Variants in PTH1R observed in about 807,000 individuals in gnomAD.
The protein encoded by PTH1R is parathyroid hormone/parathyroid hormone-related peptide receptor.
A neutral mutation model predicts 70.7 loss-of-function variants in PTH1R; 32 were observed. The ratio of observed to expected loss-of-function variants is 0.45; its 90% CI spans 0.34 to 0.61. The LOEUF (loss-of-function observed/expected upper bound fraction) is 0.61. Among genes scored for constraint, PTH1R ranks in the 20% least tolerant of loss-of-function variants. The probability of loss-of-function intolerance (pLI) is 0.01; values close to 1 mark genes in which losing one functional copy is unlikely to be tolerated. For synonymous variants in PTH1R, 329 were observed against 324.8 expected (o/e 1.01, Z -0.14); for missense variants, 626 against 792.5 (o/e 0.79, Z 2.52).
At chr3:46,888,023 C>A (rs776277028) in intron 3 of PTH1R, among the ~76,000 whole-genome samples, 1 of 152,152 alleles carries the variant, frequency 6.6e-6, no homozygotes, top group South Asian at 2.1e-4. Flanking sequence ...AATAGCATGG[C>A]CAAATTGCCC....
At position 46,892,878 on chromosome 3, in the gene PTH1R, C is replaced by A; in HGVS notation, c.76-1029C>A. On this transcript the variant is annotated intron_variant, in intron 3 of 15. Coordinates refer to ENST00000449590, the MANE Select transcript of PTH1R (RefSeq NM_000316.3). This position sits in a 1 kb window ranked among gnomAD's most constrained non-coding sequence, Gnocchi z 5.2. Reference sequence around the variant, plus strand: ...TGCCCAGGGGTCTGAGGAAACACGACCCTGAATTAAGAGGGATGGGGCTGA... The same window carrying A: ...TGCCCAGGGGTCTGAGGAAACACGAACCTGAATTAAGAGGGATGGGGCTGA... The A allele has an allele frequency of 1.1e-6, 1 of 899,380 alleles. No homozygotes were observed. Among genetic ancestry groups the A allele is most frequent in the Non-Finnish European group, 1.3e-6 (1 of 750,986 alleles). 55.7% of individuals were successfully genotyped at this position (899,380 alleles called of 1,614,324 possible).
intron 4 of PTH1R, among the ~76,000 whole-genome samples, chr3:46,895,365 G>A (rs974206593): frequency 3.9e-5 from 6 of 152,126 alleles, no homozygotes; most frequent in Non-Finnish European, 8.8e-5. Context: ...TGCTTTCACC[G>A]TGCGCCCCCT....
chr3:46,881,186 C>T (rs956663722), intron 2 of PTH1R, 68 bp downstream of exon 2: 2 of 152,350 alleles, frequency 1.3e-5, no homozygotes, highest in African/African-American at 4.8e-5. Context: ...CATTCGCTTC[C>T]TCCGCGATCC....
At position 46,897,938 on chromosome 3, in the gene PTH1R, G is replaced by A. The variant is rs200726217; in HGVS notation, c.397G>A (p.Asp133Asn). 7 of 1,614,106 alleles carry A rather than the reference G, an allele frequency of 4.3e-6. No homozygotes were observed. Among genetic ancestry groups the A allele is most frequent in the Non-Finnish European group, 5.1e-6 (6 of 1,180,024 alleles). The stretch of plus-strand genomic sequence containing the variant: ...TGAGGTGGTGGCTGTGCCCTGTCCG[G>A]ACTACATTTATGACTTCAATCACAA... ...PGEVVAVPCP[D>N]YIYDFNHKGH... The change falls in exon 6 of 16, where the codon GAC (aspartate) becomes AAC (asparagine). Residue 133 changes from aspartate (D) to asparagine (N), a missense_variant. By Grantham distance (23) the Asp-to-Asn change is conservative (BLOSUM62 1). Around this residue, in one of 3 missense-constraint regions of PTH1R, gnomAD observed 495 missense variants for 638.7 expected, o/e 0.77. Transcript: ENST00000449590.
At chr3:46,900,911 T>C in intron 10 of PTH1R, 114 bp from the exon 11 acceptor site, 2 of 1,145,630 alleles carry the variant, frequency 1.7e-6, no homozygotes, top group Non-Finnish European at 1.3e-6. Context: ...AAGTGCCCAG[T>C]GTCAGGGGTT....
rs768173859 is a variant in PTH1R at position 46,898,143 on chromosome 3, C to T, written c.494C>T (p.Ala165Val). 1 of 1,614,156 alleles carries T rather than the reference C, an allele frequency of 6.2e-7. No individual in the cohort carries two copies. The highest frequency in any genetic ancestry group is 1.1e-5 in the South Asian group (1 of 91,088). ...ELVPGHNRTWANYSECVKFLT... is the reference protein window; with the variant it reads ...ELVPGHNRTWVNYSECVKFLT... ...GTGCCTGGGCACAACAGGACGTGGG[C>T]CAACTACAGCGAGTGTGTCAAATTT... The change falls in exon 7 of 16, where the codon GCC (alanine) becomes GTC (valine). Residue 165 changes from alanine (A) to valine (V), a missense_variant. By Grantham distance (64) the Ala-to-Val change is moderately conservative (BLOSUM62 0). Coordinates refer to ENST00000449590, the MANE Select transcript of PTH1R (RefSeq NM_000316.3).
Position 46,898,394 on chromosome 3 carries a change from T to C in PTH1R, c.560T>C (p.Leu187Pro). Residue 187 changes from leucine to proline, a missense_variant, in exon 8 of 16, where the codon CTG becomes CCG. Physicochemically the swap from Leu to Pro is moderately conservative, Grantham distance 98. This residue lies in a region of PTH1R where 495 missense variants were observed against 638.7 expected (regional missense o/e 0.77). Transcript: ENST00000449590. Reference sequence around the variant, plus strand: ...CCCGCACAGGAGGTGTTTGACCGCCTGGGCATGATTTACACCGTGGGCTAC... The same window carrying C: ...CCCGCACAGGAGGTGTTTGACCGCCCGGGCATGATTTACACCGTGGGCTAC... ...ETREREVFDR[L>P]GMIYTVGYSV... The C allele has an allele frequency of 1.2e-6, 2 of 1,613,740 alleles. No individual in the cohort carries two copies. Among genetic ancestry groups the C allele is most frequent in the Non-Finnish European group, 1.7e-6 (2 of 1,179,942 alleles).
chr3:46,887,009 C>T (rs570006374), intron 3 of PTH1R, among the ~76,000 whole-genome samples: 2 of 152,070 alleles, frequency 1.3e-5, no homozygotes, highest in African/African-American at 2.4e-5. Flanking sequence ...TTTGGGAGGC[C>T]GGGCAGATCA....
rs753135065 is a variant in PTH1R, at chr3:46,898,086, G to A, written c.437G>A (p.Arg146Gln). 1.2e-6 allele frequency: 2 copies of A among 1,614,070 alleles called. No individual in the cohort carries two copies. The highest frequency in any genetic ancestry group is 1.1e-5 in the South Asian group (1 of 91,086). The change falls in exon 7 of 16, where the codon CGA becomes CAA. Residue 146 changes from arginine (R) to glutamine (Q), a missense_variant. By Grantham distance (43) the Arg-to-Gln change is conservative (BLOSUM62 1). Around this residue, in one of 3 missense-constraint regions of PTH1R, gnomAD observed 495 missense variants for 638.7 expected, o/e 0.77. Transcript: ENST00000449590. ...YDFNHKGHAYRRCDRNGSWEL... is the reference protein window; with the variant it reads ...YDFNHKGHAYQRCDRNGSWEL... ...CATGGACCTGCAGGCCATGCCTACC[G>A]ACGCTGTGACCGCAATGGCAGCTGG...
Position 46,903,127 on chromosome 3 carries a change from G to A in PTH1R, c.1396-143G>A. ...TGCCTGTAGCCAAACACCCTGTTGT[G>A]AGGATGGGATTTCACTTGGCCTTGG... On this transcript the variant is annotated intron_variant, in intron 15 of 15. Transcript: ENST00000449590. This position sits in a 1 kb window ranked among gnomAD's most constrained non-coding sequence, Gnocchi z 4.4. The A allele has an allele frequency of 2.1e-6, 3 of 1,460,116 alleles. No individual in the cohort carries two copies. Among genetic ancestry groups the A allele is most frequent in the Non-Finnish European group, 1.9e-6 (2 of 1,073,074 alleles). The allele number at this position is 1,460,116 out of a possible 1,614,324, so 90.4% of individuals were successfully genotyped here. A position where few individuals can be genotyped will look rare whatever the true frequency, so the allele number is the denominator to read the frequency against.
In PTH1R at chr3:46,891,573, G is replaced by A. The variant is rs2031416442; in HGVS notation, c.76-2334G>A. On this transcript the variant is annotated intron_variant, in intron 3 of 15. Transcript: ENST00000449590. The surrounding 1 kb of genome is among the most constrained non-coding windows in gnomAD (Gnocchi z 4.3). ...ACAATGGGTTTGTCTTGAGAGGGGTGGAGGTGGCAGAAGAAGAAGGATAGT... is the reference window on the plus strand; with the variant it reads ...ACAATGGGTTTGTCTTGAGAGGGGTAGAGGTGGCAGAAGAAGAAGGATAGT... Among the ~76,000 whole-genome samples the A allele has an allele frequency of 6.6e-6, 1 of 152,250 alleles. No individual in the cohort carries two copies. The highest frequency in any genetic ancestry group is 2.4e-5 in the African/African-American group (1 of 41,460).
Position 46,896,097 on chromosome 3 carries a change from C to T in PTH1R, c.313+228C>T, listed in dbSNP as rs1187691563. On this transcript the variant is annotated intron_variant, in intron 5 of 15. Transcript: ENST00000449590. The surrounding 1 kb of genome is among the most constrained non-coding windows in gnomAD (Gnocchi z 4.1). ...ATGAACAGAGAACTCTCCAGCACCA[C>T]ACCAAGAGTGGACCCAGGGCTACGG... is the stretch of plus-strand genomic sequence containing the variant. 6.6e-6 allele frequency among the ~76,000 whole-genome samples: 1 copy of T among 152,182 alleles called. No individual in the cohort carries two copies. Among genetic ancestry groups the T allele is most frequent in the African/African-American group, 2.4e-5 (1 of 41,444 alleles).
intron 1 of PTH1R, among the ~76,000 whole-genome samples, chr3:46,880,669 G>T (rs2030493796): frequency 1.3e-5 from 2 of 152,228 alleles, no homozygotes; most frequent in South Asian, 4.1e-4. Context: ...GGAGGTTGCA[G>T]TGAGCAGAGA....
chr3:46,883,890 T>C lies in PTH1R; in HGVS notation c.75+256T>C, dbSNP rs987585769. Among the ~76,000 whole-genome samples, 1 of 152,224 alleles carries C rather than the reference T, an allele frequency of 6.6e-6. No homozygotes were observed. The highest frequency in any genetic ancestry group is 1.5e-5 in the Non-Finnish European group (1 of 68,034). On this transcript the variant is annotated intron_variant, in intron 3 of 15. Transcript: ENST00000449590. The surrounding 1 kb of genome is among the most constrained non-coding windows in gnomAD (Gnocchi z 6.4). ...GCAATTTGTGGTTGAGTTTTCACCA[T>C]CCTCTGCTTCTGTGAGCACCATGGC...
chr3:46,878,359 G>A (rs559818477), intron 1 of PTH1R, among the ~76,000 whole-genome samples: 115 of 147,226 alleles, frequency 7.8e-4, no homozygotes, highest in Non-Finnish European at 1.4e-3. Flanking sequence ...CCTAGAAGCC[G>A]AGAGAGGTCT....
Position 46,899,392 on chromosome 3 carries a change from C to T in PTH1R, c.924C>T (p.Ser308=). The T allele has an allele frequency of 6.2e-7, 1 of 1,613,906 alleles. No homozygotes were observed. ...WILVEGLYLH[S]LIFMAFFSEK... ...TGGTGGAGGGGCTGTACCTGCACAG[C>T]CTCATCTTCATGGCCTTCTTCTCAG... The change falls in exon 10 of 16, where the codon AGC becomes AGT. Residue 308 remains serine (S), a synonymous_variant. Transcript: ENST00000449590.
rs1480651682 is a variant in PTH1R at position 46,903,265 on chromosome 3, C to G, written c.1396-5C>G. 1.2e-5 allele frequency: 20 copies of G among 1,612,514 alleles called. No homozygotes were observed. The highest frequency in any genetic ancestry group is 1.6e-5 in the Non-Finnish European group (19 of 1,179,926). On this transcript the variant is annotated splice_polypyrimidine_tract_variant and splice_region_variant and intron_variant, in intron 15 of 15. Transcript: ENST00000449590. This position sits in a 1 kb window ranked among gnomAD's most constrained non-coding sequence, Gnocchi z 4.4. ...ACCTGACTGCCGCACCCTTACTGCC[C>G]CAAGGTACAAGCTGAGATCAAGAAA...
Position 46,902,535 on chromosome 3 carries a change from C to G in PTH1R, c.1221C>G (p.Leu407=), listed in dbSNP as rs1268061767. The G allele has an allele frequency of 6.2e-7, 1 of 1,611,634 alleles. No homozygotes were observed. The highest frequency in any genetic ancestry group is 1.1e-5 in the South Asian group (1 of 90,698). The change falls in exon 14 of 16, where the codon CTC becomes CTG. Residue 407 remains leucine, a synonymous_variant. Transcript: ENST00000449590. The surrounding 1 kb of genome is among the most constrained non-coding windows in gnomAD (Gnocchi z 5.4). ...CDTRQQYRKL[L]KSTLVLMPLF... is the part of the protein sequence containing the mutation. Reference sequence around the variant, plus strand: ...TGCCCCGCTGGCCCAGGAAGCTGCTCAAATCCACGCTGGTGCTCATGCCCC... The same window carrying G: ...TGCCCCGCTGGCCCAGGAAGCTGCTGAAATCCACGCTGGTGCTCATGCCCC...
Position 46,892,670 on chromosome 3 carries a change from TGCCCGACCC to T in PTH1R, c.76-1233_76-1225del. The T allele has an allele frequency of 1.3e-6, 1 of 755,204 alleles. No homozygotes were observed. The highest frequency in any genetic ancestry group is 1.6e-6 in the Non-Finnish European group (1 of 619,414). The allele number at this position is 755,204 out of a possible 1,614,324, so 46.8% of individuals were successfully genotyped here. On this transcript the variant is annotated intron_variant, in intron 3 of 15. Transcript: ENST00000449590. The surrounding 1 kb of genome is among the most constrained non-coding windows in gnomAD (Gnocchi z 5.2). ...GCCCCTCTCGCCGGTGCCCGCCCCATGCCCGACCCGCCTTCTTCCTCCCCTGCCTCCTCT... is the reference window on the plus strand; with the variant it reads ...GCCCCTCTCGCCGGTGCCCGCCCCATGCCTTCTTCCTCCCCTGCCTCCTCT...
Sources: allele counts gnomAD v4.1 joint callset (sites outside exome capture counted in the v4.1 genomes callset), GRCh38; gene constraint gnomAD v4.1.1; regional missense constraint gnomAD v4.1.1; non-coding constraint Gnocchi (gnomAD v3.1); transcripts MANE v1.5; gene names NCBI Gene and HGNC (gene_info 2026-07-23, HGNC 2026-07-21).